The following NAA50 variants were observed in gnomAD, a reference collection of about 807,000 sequenced individuals.
NAA50 encodes N-alpha-acetyltransferase 50.
In NAA50, 7 loss-of-function variants were observed where a neutral mutation model predicts 20.7. The observed-to-expected ratio is 0.34, with a 90% CI of 0.19 to 0.63. NAA50 has a LOEUF of 0.63. Among genes scored for constraint, NAA50 ranks in the 30% least tolerant of loss-of-function variants. NAA50 has a pLI of 0.75. For synonymous variants in NAA50, 54 were observed against 70.6 expected, an observed-to-expected ratio of 0.77 and a Z score of 1.18; for missense variants, 111 against 199.1, an observed-to-expected ratio of 0.56 and a Z score of 2.66.
chr3:113,746,100 G>A lies in NAA50; in HGVS notation c.-151C>T. 1 of 1,003,896 alleles carries A rather than the reference G, an allele frequency of 1.0e-6. No homozygotes were observed. Among genetic ancestry groups the A allele is most frequent in the Non-Finnish European group, 1.4e-6 (1 of 692,124 alleles). The allele number at this position is 1,003,896 out of a possible 1,614,324, so 62.2% of individuals were successfully genotyped here. On this transcript the variant is annotated 5_prime_UTR_variant, in exon 1 of 5. Coordinates refer to ENST00000240922, the MANE Select transcript of NAA50 (RefSeq NM_025146.4). ...GAGCTGTGCGAGCAACGAAGGCCGC[G>A]AGAGTCGAGTGAGGGCTTGAGTCTG...
rs146516205 is a variant in NAA50 at position 113,731,553 on chromosome 3, A to G, written c.9-7458T>C. Among the ~76,000 whole-genome samples the G allele has an allele frequency of 2.2e-4, 33 of 152,268 alleles. 1 individual carries two copies. The highest frequency in any genetic ancestry group is 2.1e-3 in the Admixed American group (32 of 15,298). On this transcript the variant is annotated intron_variant, in intron 1 of 4. Coordinates refer to ENST00000240922, the MANE Select transcript of NAA50 (RefSeq NM_025146.4). ...GATTTTTTTACTATAAAGTTGTGCA[A>G]CTATCATTGCAATTCAGTTTTGGAA...
chr3:113,722,030 A>G, intron 4 of NAA50, 93 bp from the exon 5 acceptor site: 1 of 1,185,426 alleles, frequency 8.4e-7, no homozygotes, highest in African/African-American at 1.5e-5. Flanking sequence ...CATCTGTTAC[A>G]TTCTCTTTAC....
At chr3:113,726,041 CA>C (rs1483541769) in intron 1 of NAA50, among the ~76,000 whole-genome samples, 4 of 152,144 alleles carry the variant, frequency 2.6e-5, no homozygotes, top group African/African-American at 9.7e-5. Context: ...AGGCTTAGCT[CA>C]TTTGGAACTT....
rs1284444101 is a variant in NAA50, at chr3:113,721,106, A to C, written c.*654T>G. On this transcript the variant is annotated 3_prime_UTR_variant, in exon 5 of 5. Transcript: ENST00000240922. ...CTAACAACCAGCCCACTCATTAGCA[A>C]AAAAGCAGTTTAACTCAAATACTTA... 1 of 152,676 alleles carries C rather than the reference A, an allele frequency of 6.5e-6. No individual in the cohort carries two copies. The highest frequency in any genetic ancestry group is 2.4e-5 in the African/African-American group (1 of 41,456). 9.5% of individuals were successfully genotyped at this position (152,676 alleles called of 1,614,324 possible).
Position 113,718,373 on chromosome 3 carries a change from G to A in NAA50, c.*3387C>T, listed in dbSNP as rs1472648269. The A allele has an allele frequency of 6.6e-6, 1 of 152,210 alleles. No individual in the cohort carries two copies. The highest frequency in any genetic ancestry group is 1.5e-5 in the Non-Finnish European group (1 of 68,062). 9.4% of individuals were successfully genotyped at this position (152,210 alleles called of 1,614,324 possible). A position where few individuals can be genotyped will look rare whatever the true frequency, so the allele number is the denominator to read the frequency against. Reference sequence around the variant, plus strand: ...GAACCACCCAGTTAAGCAGCTCCTAGATTCCTGATCCAGAACTGTGGAAGG... The same window carrying A: ...GAACCACCCAGTTAAGCAGCTCCTAAATTCCTGATCCAGAACTGTGGAAGG... On this transcript the variant is annotated 3_prime_UTR_variant, in exon 5 of 5. Coordinates refer to ENST00000240922, the MANE Select transcript of NAA50 (RefSeq NM_025146.4).
At chr3:113,723,254 T>C (rs1159708615) in intron 3 of NAA50, among the ~76,000 whole-genome samples, 168 bp downstream of exon 3, 1 of 152,110 alleles carries the variant, frequency 6.6e-6, no homozygotes, top group Non-Finnish European at 1.5e-5. Context: ...GGGCTTCCAA[T>C]AGAATTATGT....
At chr3:113,733,200 T>C (rs2107990749) in intron 1 of NAA50, among the ~76,000 whole-genome samples, 1 of 152,328 alleles carries the variant, frequency 6.6e-6, no homozygotes, top group African/African-American at 2.4e-5. Flanking sequence ...ACAGATGATT[T>C]TGCAACTAAT....
In NAA50 at chr3:113,718,724, A is replaced by G. The variant is rs1356947589; in HGVS notation, c.*3036T>C. 6.6e-6 allele frequency: 1 copy of G among 152,256 alleles called. No homozygotes were observed. Among genetic ancestry groups the G allele is most frequent in the African/African-American group, 2.4e-5 (1 of 41,458 alleles). 9.4% of individuals were successfully genotyped at this position (152,256 alleles called of 1,614,324 possible). On this transcript the variant is annotated 3_prime_UTR_variant, in exon 5 of 5. Transcript: ENST00000240922. ...AGTATTTCTAATAATTACATTAAAA[A>G]TACAGCAGCAAGACAGTTCCTTGGA... is the stretch of plus-strand genomic sequence containing the variant.
At chr3:113,733,431 G>GA (rs1186843804) in intron 1 of NAA50, among the ~76,000 whole-genome samples, 1 of 150,998 alleles carries the variant, frequency 6.6e-6, no homozygotes, top group Non-Finnish European at 1.5e-5. Flanking sequence ...ATTCTAATGT[G>GA]AAAAAAAATC....
rs149113639 is a variant in NAA50 at position 113,723,690 on chromosome 3, T to C, written c.146-149A>G. 11 of 1,037,238 alleles carry C rather than the reference T, an allele frequency of 1.1e-5. No individual in the cohort carries two copies. The African/African-American group carries it at 1.4e-4, about 14-fold the overall frequency. 64.3% of individuals were successfully genotyped at this position (1,037,238 alleles called of 1,614,324 possible). A position where few individuals can be genotyped will look rare whatever the true frequency, so the allele number is the denominator to read the frequency against. ...CAATGATCTCAAAGCTCTTATGCCA[T>C]CTTAGGAAGTTTAAGCCTCCTCTAG... On this transcript the variant is annotated intron_variant, in intron 2 of 4. Transcript: ENST00000240922.
In NAA50 at chr3:113,724,021, G is replaced by T; in HGVS notation, c.83C>A (p.Pro28Gln). Residue 28 changes from proline to glutamine, a missense_variant, in exon 2 of 5, where the codon CCA becomes CAA. By Grantham distance (76) the Pro-to-Gln change is moderately conservative. Transcript: ENST00000240922. ...QLKRLNQVIF[P>Q]VSYNDKFYKD... ...GTAGAACTTGTCATTGTAGCTGACT[G>T]GAAAGATGACCTGATTCAATCTTTT... is the stretch of plus-strand genomic sequence containing the variant. 6.2e-7 allele frequency: 1 copy of T among 1,611,444 alleles called. No individual in the cohort carries two copies. Among genetic ancestry groups the T allele is most frequent in the Non-Finnish European group, 8.5e-7 (1 of 1,178,878 alleles).
At chr3:113,739,285 G>T (rs1036482932) in intron 1 of NAA50, 7 of 152,288 alleles carry the variant, frequency 4.6e-5, no homozygotes, top group African/African-American at 1.7e-4. Context: ...ATGTTTTCCT[G>T]AGGTTTTTCC....
At chr3:113,723,865 TA>T in intron 2 of NAA50, 93 bp downstream of exon 2, 1 of 1,339,560 alleles carries the variant, frequency 7.5e-7, no homozygotes, top group African/African-American at 1.5e-5. Context: ...ATAAACAAAC[TA>T]AATTAGTTAA....
rs540581650 is a variant in NAA50, at chr3:113,728,748, T to C, written c.9-4653A>G. Among the ~76,000 whole-genome samples the C allele has an allele frequency of 1.2e-4, 18 of 152,338 alleles. 1 individual carries two copies. The highest frequency in any genetic ancestry group is 7.2e-4 in the Admixed American group (11 of 15,302). ...AATGCTGCCAATTTCCAAATTTCTGTCTCTAGCCTATAGTTCACTCCTGAA... is the reference window on the plus strand; with the variant it reads ...AATGCTGCCAATTTCCAAATTTCTGCCTCTAGCCTATAGTTCACTCCTGAA... On this transcript the variant is annotated intron_variant, in intron 1 of 4. Coordinates refer to ENST00000240922, the MANE Select transcript of NAA50 (RefSeq NM_025146.4).
intron 1 of NAA50, among the ~76,000 whole-genome samples, chr3:113,728,246 TTCTG>T (rs1708225427): frequency 6.6e-6 from 1 of 152,186 alleles, no homozygotes; most frequent in African/African-American, 2.4e-5. Flanking sequence ...ATTTAAAAAA[TTCTG>T]TCAATCTAAA....
At chr3:113,733,853 CAAAAAAAAAA>C (rs58431115) in intron 1 of NAA50, among the ~76,000 whole-genome samples, 1 of 68,506 alleles carries the variant, frequency 1.5e-5, no homozygotes, top group African/African-American at 6.1e-5. Flanking sequence ...ACTCTGTCTC[CAAAAAAAAAA>C]AAAAAAAAAA....
intron 1 of NAA50, 81 bp downstream of exon 1, chr3:113,745,861 G>C (rs1708489292): frequency 2.0e-6 from 3 of 1,485,104 alleles, no homozygotes; most frequent in Non-Finnish European, 2.7e-6. Flanking sequence ...ATCTCTCCTC[G>C]CCTTTGCGGC....
In NAA50 at chr3:113,717,517, T is replaced by C. The variant is rs537873985; in HGVS notation, c.*4243A>G. ...TCAAGCTCTTTTTCCCATGTGACTATGTTACTTGGCTGTATCATAAACTAG... is the reference window on the plus strand; with the variant it reads ...TCAAGCTCTTTTTCCCATGTGACTACGTTACTTGGCTGTATCATAAACTAG... On this transcript the variant is annotated 3_prime_UTR_variant, in exon 5 of 5. Transcript: ENST00000240922. 1 of 152,208 alleles carries C rather than the reference T, an allele frequency of 6.6e-6. No homozygotes were observed. Among genetic ancestry groups the C allele is most frequent in the Non-Finnish European group, 1.5e-5 (1 of 68,020 alleles). The allele number at this position is 152,208 out of a possible 1,614,324, so 9.4% of individuals were successfully genotyped here.
chr3:113,736,821 G>C (rs1559741427), intron 1 of NAA50, among the ~76,000 whole-genome samples: 1 of 152,076 alleles, frequency 6.6e-6, no homozygotes, highest in Non-Finnish European at 1.5e-5. Context: ...CACCACACCA[G>C]GCTCAAAGTG....
Sources: allele counts gnomAD v4.1 joint callset (sites outside exome capture counted in the v4.1 genomes callset), GRCh38; gene constraint gnomAD v4.1.1; transcripts MANE v1.5; gene names NCBI Gene and HGNC (gene_info 2026-07-23, HGNC 2026-07-21).